Variants in STS observed in about 807,000 individuals in gnomAD.
STS encodes the protein steroid sulfatase, also known as steryl-sulfatase.
In STS, 7 loss-of-function variants were observed where a neutral mutation model predicts 26.8. The observed-to-expected ratio is 0.26, with a 90% CI of 0.15 to 0.49. STS has a LOEUF of 0.49. Among genes scored for constraint, STS ranks in the 20% least tolerant of loss-of-function variants. The probability of loss-of-function intolerance (pLI) is 0.98; values close to 1 mark genes in which losing one functional copy is unlikely to be tolerated. For synonymous variants in STS, 199 were observed against 189.4 expected (o/e 1.05, Z -0.42); for missense variants, 434 against 465.6 (o/e 0.93, Z 0.63).
intron 2 of STS, among the ~76,000 whole-genome samples, chrX:7,244,956 G>A (rs1246905098): frequency 8.9e-6 from 1 of 111,943 alleles, no homozygotes; most frequent in Non-Finnish European, 1.9e-5. Context: ...CCAAAAAACT[G>A]TTATTTTAAA....
At chrX:7,150,782 AC>A (rs1392357359) in intron 1 of STS, among the ~76,000 whole-genome samples, 1 of 111,515 alleles carries the variant, frequency 9.0e-6, no homozygotes, top group Non-Finnish European at 1.9e-5. Context: ...CTTCTCTGTC[AC>A]AAGCTAGATT....
At chrX:7,180,270 CGGG>C (rs1209481236) in intron 1 of STS, among the ~76,000 whole-genome samples, 1 of 111,506 alleles carries the variant, frequency 9.0e-6, no homozygotes, top group Non-Finnish European at 1.9e-5. Context: ...ACGATCCCAT[CGGG>C]GGGTGATGGG....
chrX:7,298,924 CCTAT>C (rs1452570954), intron 7 of STS, among the ~76,000 whole-genome samples: 1 of 102,543 alleles, frequency 9.8e-6, no homozygotes, highest in Non-Finnish European at 2.0e-5. Context: ...GGGATATCTA[CCTAT>C]CTATCTAGCA....
intron 1 of STS, among the ~76,000 whole-genome samples, chrX:7,177,079 A>G (rs1242604542): frequency 9.0e-6 from 1 of 111,666 alleles, no homozygotes; most frequent in Non-Finnish European, 1.9e-5. Flanking sequence ...GCTCTCTGAG[A>G]TAATCCAGGA....
chrX:7,219,406 A>C (rs1921447285), intron 2 of STS: 5 of 1,036,672 alleles, frequency 4.8e-6, no homozygotes, highest in East Asian at 3.6e-5. Flanking sequence ...TCCCAAAAGA[A>C]TGCAGCAACT....
intron 2 of STS, among the ~76,000 whole-genome samples, chrX:7,222,528 CAAAAAAA>C (rs770658761): frequency 5.3e-4 from 21 of 39,423 alleles, no homozygotes; most frequent in African/African-American, 2.0e-3. Context: ...CCCTCAGCTG[CAAAAAAA>C]AAAAAAAAAA....
intron 1 of STS, among the ~76,000 whole-genome samples, chrX:7,173,916 A>G (rs1361033675): frequency 8.9e-6 from 1 of 112,265 alleles, no homozygotes; most frequent in African/African-American, 3.2e-5. Context: ...GAAAGTGGCC[A>G]TACAGTTTTA....
intron 1 of STS, among the ~76,000 whole-genome samples, chrX:7,153,272 C>T (rs1233446234): frequency 1.8e-5 from 2 of 108,928 alleles, no homozygotes; most frequent in African/African-American, 6.7e-5. Flanking sequence ...TCCCTGTCTT[C>T]CTTCCTGTCC....
At chrX:7,171,455 A>G (rs1372858759) in intron 1 of STS, among the ~76,000 whole-genome samples, 1 of 111,529 alleles carries the variant, frequency 9.0e-6, no homozygotes, top group African/African-American at 3.3e-5. Flanking sequence ...GATGGAACCA[A>G]TGGCCAATCA....
intron 1 of STS, among the ~76,000 whole-genome samples, chrX:7,161,322 T>C (rs1933240954): frequency 9.0e-6 from 1 of 111,598 alleles, no homozygotes; most frequent in Non-Finnish European, 1.9e-5. Flanking sequence ...TGTTTATTAC[T>C]GCACTTTTTA....
intron 7 of STS, among the ~76,000 whole-genome samples, chrX:7,283,291 A>G (rs1924964271): frequency 8.9e-6 from 1 of 111,983 alleles, no homozygotes; most frequent in African/African-American, 3.2e-5. Flanking sequence ...GAAAACCAAA[A>G]GAACAGCCAA....
At chrX:7,301,233 C>A (rs867613753) in intron 7 of STS, among the ~76,000 whole-genome samples, 1 of 101,643 alleles carries the variant, frequency 9.8e-6, no homozygotes, top group African/African-American at 3.6e-5. Flanking sequence ...ACAACGAATA[C>A]AAAAAAAAAA....
chrX:7,219,559 G>A, intron 2 of STS: 2 of 1,205,481 alleles, frequency 1.7e-6, no homozygotes, highest in Non-Finnish European at 2.2e-6. Context: ...GTTTCTCATG[G>A]GAATATGCTT....
At chrX:7,233,898 C>T (rs982279750) in intron 2 of STS, among the ~76,000 whole-genome samples, 6 of 111,852 alleles carry the variant, frequency 5.4e-5, no homozygotes, top group African/African-American at 2.0e-4. Context: ...ATGGTTTGAG[C>T]TATCTTTGTC....
intron 2 of STS, among the ~76,000 whole-genome samples, chrX:7,197,038 C>T (rs1168315722): frequency 9.0e-6 from 1 of 110,605 alleles, no homozygotes; most frequent in Non-Finnish European, 1.9e-5. Flanking sequence ...TCTGCCTCCC[C>T]CTGGCTTTCT....
intron 6 of STS, among the ~76,000 whole-genome samples, chrX:7,265,294 C>G (rs1601698457): frequency 8.9e-6 from 1 of 111,847 alleles, no homozygotes; most frequent in Non-Finnish European, 1.9e-5. Context: ...CAAAACGAGA[C>G]AAGGTGGAGA....
chrX:7,283,642 C>T (rs1924984991), intron 7 of STS, among the ~76,000 whole-genome samples: 1 of 110,181 alleles, frequency 9.1e-6, no homozygotes, highest in African/African-American at 3.3e-5. Context: ...AATGCAGGGC[C>T]AGAAAGTAGG....
chrX:7,191,989 C>A (rs1454696688), intron 2 of STS, among the ~76,000 whole-genome samples: 2 of 112,512 alleles, frequency 1.8e-5, no homozygotes, highest in Non-Finnish European at 1.9e-5. Flanking sequence ...TTATTTTACA[C>A]CTGTTCTTGG....
chrX:7,180,201 G>A (rs1178464238), intron 1 of STS, among the ~76,000 whole-genome samples: 5 of 111,143 alleles, frequency 4.5e-5, no homozygotes, highest in South Asian at 3.8e-4. Flanking sequence ...ATTATAATAC[G>A]TAATAAAATA....
Sources: allele counts gnomAD v4.1 joint callset (sites outside exome capture counted in the v4.1 genomes callset), GRCh38; gene constraint gnomAD v4.1.1; transcripts MANE v1.5; gene names NCBI Gene and HGNC (gene_info 2026-07-23, HGNC 2026-07-21).